The following LANCL2 variants were observed in gnomAD, a reference collection of about 807,000 sequenced individuals.
The protein encoded by LANCL2 is lanC-like protein 2.
LANCL2 carries 33 observed loss-of-function variants against 56.9 expected under a neutral mutation model. The observed-to-expected ratio is 0.58, with a 90% CI of 0.44 to 0.78. The LOEUF is 0.78. Ranked by LOEUF, LANCL2 falls within the 30% of genes least tolerant of loss-of-function variation. The pLI is 0.00. For synonymous variants in LANCL2, 233 were observed against 228.2 expected, an observed-to-expected ratio of 1.02 and a Z score of -0.19; for missense variants, 562 against 580.2, an observed-to-expected ratio of 0.97 and a Z score of 0.32.
intron 6 of LANCL2, among the ~76,000 whole-genome samples, chr7:55,418,477 G>C (rs569265539): frequency 6.6e-6 from 1 of 152,174 alleles, no homozygotes; most frequent in Non-Finnish European, 1.5e-5. Flanking sequence ...ACTGTAACTG[G>C]CCACAGCTGC....
intron 6 of LANCL2, among the ~76,000 whole-genome samples, chr7:55,422,265 T>G (rs1790616946): frequency 6.6e-6 from 1 of 152,248 alleles, no homozygotes; most frequent in South Asian, 2.1e-4. Flanking sequence ...TATTTCACCT[T>G]TATTCTTAAA....
intron 1 of LANCL2, among the ~76,000 whole-genome samples, chr7:55,369,678 C>T (rs1159845716): frequency 6.7e-6 from 1 of 149,198 alleles, no homozygotes; most frequent in East Asian, 2.0e-4. Flanking sequence ...GGAGCTGAAT[C>T]ATGATTAATG....
rs149266069 is a variant in LANCL2, at chr7:55,408,146, AAG to A, written c.826-3756_826-3755del. Among the ~76,000 whole-genome samples, 173 of 152,358 alleles carry A rather than the reference AAG, an allele frequency of 1.1e-3. 3 individuals carry two copies. In the South Asian group the frequency reaches 0.03, roughly 26 times the overall value. ...CCAAGAAACAAACATTTGAGGGAAA[AAG>A]AGAGCTCTTGAAAATAAAATATATA... is the stretch of plus-strand genomic sequence containing the variant. On this transcript the variant is annotated intron_variant, in intron 5 of 8. Transcript: ENST00000254770.
At chr7:55,428,209 G>A in intron 7 of LANCL2, 166 bp from the exon 8 acceptor site, 1 of 635,372 alleles carries the variant, frequency 1.6e-6, no homozygotes, top group Admixed American at 2.6e-5. Context: ...AGCCTTGCTG[G>A]GCCTCACCCC....
chr7:55,397,940 T>C (rs1790274845), intron 2 of LANCL2, among the ~76,000 whole-genome samples: 1 of 151,918 alleles, frequency 6.6e-6, no homozygotes, highest in Non-Finnish European at 1.5e-5. Flanking sequence ...TAAAGAACAT[T>C]GAAAAATTGG....
intron 2 of LANCL2, among the ~76,000 whole-genome samples, chr7:55,397,856 C>T (rs1790273300): frequency 6.6e-6 from 1 of 151,874 alleles, no homozygotes; most frequent in Non-Finnish European, 1.5e-5. Flanking sequence ...GATCACCTTA[C>T]TCTGTACTGT....
chr7:55,394,634 C>G (rs1334103984), intron 2 of LANCL2, among the ~76,000 whole-genome samples: 1 of 152,182 alleles, frequency 6.6e-6, no homozygotes, highest in Non-Finnish European at 1.5e-5. Flanking sequence ...AGAAAACACA[C>G]AAGTCATGTT....
At chr7:55,405,614 A>T (rs1361577079) in intron 5 of LANCL2, among the ~76,000 whole-genome samples, 1 of 150,198 alleles carries the variant, frequency 6.7e-6, no homozygotes, top group Admixed American at 6.7e-5. Flanking sequence ...CAGCCCCACG[A>T]GTGTGCTGGG....
At chr7:55,393,691 C>T (rs1003596343) in intron 2 of LANCL2, among the ~76,000 whole-genome samples, 1 of 152,052 alleles carries the variant, frequency 6.6e-6, no homozygotes, top group Non-Finnish European at 1.5e-5. Context: ...TATTTACATT[C>T]GTTTTTGTGA....
chr7:55,391,086 G>A (rs1406850507), intron 1 of LANCL2, among the ~76,000 whole-genome samples: 2 of 145,902 alleles, frequency 1.4e-5, no homozygotes, highest in Non-Finnish European at 3.0e-5. Flanking sequence ...GTGCGATCTC[G>A]GCTCACTGTA....
In LANCL2 at chr7:55,366,183, C is replaced by A; in HGVS notation, c.158C>A (p.Pro53Gln). 1 of 1,556,974 alleles carries A rather than the reference C, an allele frequency of 6.4e-7. No homozygotes were observed. The highest frequency in any genetic ancestry group is 2.4e-5 in the East Asian group (1 of 41,150). The change falls in exon 1 of 9, where the codon CCG (proline) becomes CAG (glutamine). Residue 53 changes from proline to glutamine, a missense_variant. By Grantham distance (76) the Pro-to-Gln change is moderately conservative (BLOSUM62 -1). Transcript: ENST00000254770. ...GAAGAGACAGGCTGTGTTCGTCCCC[C>A]GGCGACCACGGATGAGCCCGGCCTC... ...AAEETGCVRP[P>Q]ATTDEPGLPF...
intron 5 of LANCL2, 115 bp from the exon 6 acceptor site, chr7:55,411,792 A>G: frequency 9.7e-7 from 1 of 1,027,226 alleles, no homozygotes; most frequent in Non-Finnish European, 1.4e-6. Flanking sequence ...AATGAATTCT[A>G]ATTTTATGTG....
At chr7:55,387,197 G>A (rs557023115) in intron 1 of LANCL2, among the ~76,000 whole-genome samples, 26 of 152,250 alleles carry the variant, frequency 1.7e-4, no homozygotes, top group African/African-American at 5.1e-4. Flanking sequence ...TTAGGGTTAG[G>A]AGGTTATGAG....
intron 2 of LANCL2, among the ~76,000 whole-genome samples, chr7:55,393,906 GGA>G (rs1217553212): frequency 2.0e-5 from 3 of 152,144 alleles, no homozygotes; most frequent in African/African-American, 7.2e-5. Context: ...AGGATATTTT[GGA>G]AGGAAAATAA....
chr7:55,406,141 G>A (rs1790404165), intron 5 of LANCL2, among the ~76,000 whole-genome samples: 1 of 152,204 alleles, frequency 6.6e-6, no homozygotes. Flanking sequence ...GCTGCAGGAG[G>A]AGTGGAGTAG....
chr7:55,385,574 G>A (rs1223483737), intron 1 of LANCL2, among the ~76,000 whole-genome samples: 4 of 152,180 alleles, frequency 2.6e-5, no homozygotes. Context: ...TTTCAAAAGG[G>A]GAGGGGGTAT....
rs1395887230 is a variant in LANCL2, at chr7:55,390,700, G to C, written c.205-1093G>C. Among the ~76,000 whole-genome samples, 182 of 151,692 alleles carry C rather than the reference G, an allele frequency of 1.2e-3. 3 individuals carry two copies. The highest frequency in any genetic ancestry group is 0.012 in the Admixed American group (182 of 15,230). On this transcript the variant is annotated intron_variant, in intron 1 of 8. Transcript: ENST00000254770. ...GGAGGCTGAGGCAGAAGAATCTCTT[G>C]AACCCAGGAGGTGGAGGTTGCAGTG...
chr7:55,391,014 C>CTTTTTTT (rs576740411), intron 1 of LANCL2, among the ~76,000 whole-genome samples: 1 of 113,720 alleles, frequency 8.8e-6, no homozygotes, highest in Admixed American at 8.9e-5. Flanking sequence ...AGTGATTGAA[C>CTTTTTTT]TTTTTTTTTT....
intron 5 of LANCL2, among the ~76,000 whole-genome samples, chr7:55,406,495 C>T (rs774919714): frequency 7.9e-5 from 12 of 152,116 alleles, no homozygotes; most frequent in Non-Finnish European, 1.3e-4. Flanking sequence ...AGGGGACGGG[C>T]AGAGCAGGGT....
Sources: gnomAD v4.1 joint callset for allele counts (sites outside exome capture counted in the v4.1 genomes callset) on GRCh38, gnomAD v4.1.1 for gene constraint, MANE v1.5 for transcripts, NCBI Gene and HGNC (gene_info 2026-07-23, HGNC 2026-07-21) for gene names.